Variants in IGSF11 observed in about 807,000 individuals in gnomAD.
The protein encoded by IGSF11 is CXADR like 1.
Under a neutral mutation model 41.0 loss-of-function variants are expected in IGSF11, and 22 were observed. The observed-to-expected ratio is 0.54, with a 90% CI of 0.38 to 0.77. The LOEUF is 0.77. Among genes scored for constraint, IGSF11 ranks in the 30% least tolerant of loss-of-function variants. The probability of loss-of-function intolerance (pLI) is 0.00; values close to 1 mark genes in which losing one functional copy is unlikely to be tolerated. For synonymous variants in IGSF11, 219 were observed against 201.3 expected, an observed-to-expected ratio of 1.09 and a Z score of -0.74; for missense variants, 444 against 530.8, an observed-to-expected ratio of 0.84 and a Z score of 1.61.
At chr3:119,135,182 C>A (rs2077542829) in intron 1 of IGSF11, among the ~76,000 whole-genome samples, 1 of 152,168 alleles carries the variant, frequency 6.6e-6, no homozygotes, top group Admixed American at 6.5e-5. Flanking sequence ...ACACCAAAAG[C>A]AATGGCAACA....
chr3:118,910,404 G>A (rs113657699), intron 4 of IGSF11, among the ~76,000 whole-genome samples: 50 of 152,162 alleles, frequency 3.3e-4, no homozygotes, highest in African/African-American at 1.2e-3. Context: ...CCCATATATT[G>A]TAATATTTTC....
chr3:118,978,548 A>G (rs1934372346), intron 1 of IGSF11, among the ~76,000 whole-genome samples: 1 of 152,218 alleles, frequency 6.6e-6, no homozygotes, highest in Non-Finnish European at 1.5e-5. Context: ...AAGGGCAGGC[A>G]CAGTCAGCTC....
At chr3:118,956,951 G>A (rs1945004040) in intron 1 of IGSF11, among the ~76,000 whole-genome samples, 1 of 152,092 alleles carries the variant, frequency 6.6e-6, no homozygotes, top group South Asian at 2.1e-4. Context: ...CTCTGTGAGT[G>A]TGTTGTGGGG....
rs34044399 is a variant in IGSF11 at position 118,955,219 on chromosome 3, TACACACACACACACACACAC to T, written c.53-24964_53-24945del. 1.1e-3 allele frequency among the ~76,000 whole-genome samples: 155 copies of T among 144,506 alleles called. 1 individual carries two copies. The highest frequency in any genetic ancestry group is 3.7e-3 in the African/African-American group (148 of 40,008). 94.8% of individuals were successfully genotyped at this position (144,506 alleles called of 152,430 possible). A position where few individuals can be genotyped will look rare whatever the true frequency, so the allele number is the denominator to read the frequency against. ...TGGTATGTATGTATGTATATGTACA[TACACACACACACACACACAC>T]ACACACACACACACATACACACACA... On this transcript the variant is annotated intron_variant, in intron 1 of 6. Coordinates refer to ENST00000393775, the MANE Select transcript of IGSF11 (RefSeq NM_001015887.3).
intron 1 of IGSF11, among the ~76,000 whole-genome samples, chr3:118,933,335 T>C (rs940799331): frequency 6.6e-6 from 1 of 152,042 alleles, no homozygotes; most frequent in Non-Finnish European, 1.5e-5. Flanking sequence ...CATCACATCA[T>C]ACAAGGGGTA....
intron 1 of IGSF11, among the ~76,000 whole-genome samples, chr3:118,938,788 G>T (rs1022699493): frequency 1.3e-5 from 2 of 152,058 alleles, no homozygotes; most frequent in African/African-American, 4.8e-5. Flanking sequence ...AAGAGTTTGG[G>T]AAAGCAGTAG....
In IGSF11 at chr3:118,902,717, C is replaced by A. The variant is rs1267616069; in HGVS notation, c.1099G>T (p.Gly367Cys). The A allele has an allele frequency of 6.2e-7, 1 of 1,613,988 alleles. No homozygotes were observed. Among genetic ancestry groups the A allele is most frequent in the Non-Finnish European group, 8.5e-7 (1 of 1,179,994 alleles). The change falls in exon 7 of 7, where the codon GGT (glycine) becomes TGT (cysteine). Residue 367 changes from glycine to cysteine, a missense_variant. Gly to Cys is a radical substitution (Grantham distance 159). Transcript: ENST00000393775. ...GTCACTACCAGAGTCTTATGTTGAC[C>A]CGGGACCAGATGGGTCCCATTAGCA... ...IYANGTHLVP[G>C]QHKTLVVTAN... is the part of the protein sequence containing the mutation.
chr3:118,932,415 C>T (rs1471194210), intron 1 of IGSF11, among the ~76,000 whole-genome samples: 1 of 152,184 alleles, frequency 6.6e-6, no homozygotes, highest in Non-Finnish European at 1.5e-5. Context: ...CTTCCCTGTA[C>T]AGAACGTCAT....
chr3:119,052,967 T>C (rs1477438295), intron 1 of IGSF11, among the ~76,000 whole-genome samples: 1 of 152,148 alleles, frequency 6.6e-6, no homozygotes, highest in Non-Finnish European at 1.5e-5. Context: ...TAAAACCCTC[T>C]GCAAAATCAG....
intron 1 of IGSF11, among the ~76,000 whole-genome samples, chr3:119,093,071 T>C (rs970484691): frequency 3.3e-5 from 5 of 152,184 alleles, no homozygotes; most frequent in African/African-American, 1.2e-4. Context: ...ACCCCTGTCA[T>C]TAAGTAACAC....
chr3:119,112,147 C>G (rs2077175680), intron 1 of IGSF11, among the ~76,000 whole-genome samples: 1 of 152,228 alleles, frequency 6.6e-6, no homozygotes, highest in Non-Finnish European at 1.5e-5. Flanking sequence ...ACATTTAAGA[C>G]TGCAGAGGCT....
At chr3:118,928,839 G>C in intron 2 of IGSF11, 123 bp from the exon 3 acceptor site, 1 of 695,136 alleles carries the variant, frequency 1.4e-6, no homozygotes, top group Non-Finnish European at 2.4e-6. Context: ...TTTCTAATAT[G>C]ATAATTATCA....
intron 1 of IGSF11, chr3:119,112,543 T>C (rs576537102): frequency 6.6e-6 from 1 of 152,620 alleles, no homozygotes; most frequent in African/African-American, 2.4e-5. Context: ...CCCCTTGCGC[T>C]TCCCGAGTGA....
chr3:118,915,112 CCAT>C lies in IGSF11; in HGVS notation c.581-9397_581-9395del, dbSNP rs1412955729. On this transcript the variant is annotated intron_variant, in intron 4 of 6. Coordinates refer to ENST00000393775, the MANE Select transcript of IGSF11 (RefSeq NM_001015887.3). ...ACACCGAAAACCCATCTGTACATCACCATCATCAAAGACCAAAAGTAGATAAAA... is the reference window on the plus strand; with the variant it reads ...ACACCGAAAACCCATCTGTACATCACCATCAAAGACCAAAAGTAGATAAAA... Among the ~76,000 whole-genome samples, 30 of 111,572 alleles carry C rather than the reference CCAT, an allele frequency of 2.7e-4. 1 individual carries two copies. The East Asian group carries it at 3.4e-3, about 13-fold the overall frequency. The allele number at this position is 111,572 out of a possible 152,430, so 73.2% of individuals were successfully genotyped here.
intron 1 of IGSF11, among the ~76,000 whole-genome samples, chr3:119,119,913 C>G (rs2077309958): frequency 6.6e-6 from 1 of 152,160 alleles, no homozygotes; most frequent in Admixed American, 6.5e-5. Context: ...TTGACAGCAC[C>G]CAAGTCATCT....
intron 1 of IGSF11, among the ~76,000 whole-genome samples, chr3:119,054,859 T>C (rs2107441627): frequency 6.6e-6 from 1 of 152,268 alleles, no homozygotes; most frequent in East Asian, 1.9e-4. Flanking sequence ...GCTTGAGATC[T>C]GAGAACGGGC....
intron 4 of IGSF11, among the ~76,000 whole-genome samples, chr3:118,912,228 G>T (rs1940414851): frequency 6.6e-6 from 1 of 152,188 alleles, no homozygotes; most frequent in Admixed American, 6.5e-5. Context: ...AGTCAGAAGG[G>T]AGGTGTTTTT....
At chr3:119,072,361 C>T (rs769253172) in intron 1 of IGSF11, among the ~76,000 whole-genome samples, 1 of 152,342 alleles carries the variant, frequency 6.6e-6, no homozygotes, top group Middle Eastern at 3.4e-3. Flanking sequence ...TTTCCCACTA[C>T]CATCTTTTAT....
intron 4 of IGSF11, among the ~76,000 whole-genome samples, chr3:118,914,295 G>A (rs540629333): frequency 6.6e-6 from 1 of 152,272 alleles, no homozygotes; most frequent in South Asian, 2.1e-4. Context: ...ACAGCTCCCA[G>A]CGTGAGCGAC....
Sources: allele counts gnomAD v4.1 joint callset (sites outside exome capture counted in the v4.1 genomes callset), GRCh38; gene constraint gnomAD v4.1.1; transcripts MANE v1.5; gene names NCBI Gene and HGNC (gene_info 2026-07-23, HGNC 2026-07-21).